Variants in EIF2B3 observed in about 807,000 individuals in gnomAD.
The protein encoded by EIF2B3 is eukaryotic translation initiation factor 2B subunit gamma.
A neutral mutation model predicts 54.1 loss-of-function variants in EIF2B3; 20 were observed. The observed-to-expected ratio is 0.37, with a 90% CI of 0.26 to 0.54. EIF2B3 has a LOEUF of 0.54. EIF2B3 is among the 20% of genes least tolerant of loss of function. The pLI, the probability that EIF2B3 is intolerant of heterozygous loss-of-function variation, is 0.86. For missense variants in EIF2B3, 448 were observed against 547.8 expected, an observed-to-expected ratio of 0.82 and a Z score of 1.82; for synonymous variants, 153 against 188.1, an observed-to-expected ratio of 0.81 and a Z score of 1.52.
chr1:44,975,852 C>T (rs1188414897), intron 3 of EIF2B3, among the ~76,000 whole-genome samples: 5 of 151,946 alleles, frequency 3.3e-5, no homozygotes, highest in Non-Finnish European at 5.9e-5. Flanking sequence ...ACCTGTAATC[C>T]CAGCTACTCA....
At chr1:44,950,437 CA>C (rs1465185468) in intron 3 of EIF2B3, among the ~76,000 whole-genome samples, 4 of 151,144 alleles carry the variant, frequency 2.6e-5, no homozygotes, top group Non-Finnish European at 4.4e-5. Context: ...AACAAACAAA[CA>C]AAACAGAAAA....
chr1:44,939,127 GAAAC>G (rs1310418750), intron 4 of EIF2B3, among the ~76,000 whole-genome samples: 2 of 113,556 alleles, frequency 1.8e-5, no homozygotes, highest in African/African-American at 6.5e-5. Context: ...AAAAAAAAAA[GAAAC>G]AAAAGGAAAG....
At chr1:44,935,898 C>T (rs1401992744) in intron 4 of EIF2B3, among the ~76,000 whole-genome samples, 1 of 151,530 alleles carries the variant, frequency 6.6e-6, no homozygotes, top group African/African-American at 2.4e-5. Context: ...ACAATGAACA[C>T]TTTTTTGTGT....
chr1:44,923,801 C>CTTTT (rs1425903874), intron 5 of EIF2B3, among the ~76,000 whole-genome samples: 1 of 149,028 alleles, frequency 6.7e-6, no homozygotes, highest in Non-Finnish European at 1.5e-5. Context: ...CTCTTTCTCT[C>CTTTT]TTTCTTTCTT....
intron 10 of EIF2B3, among the ~76,000 whole-genome samples, chr1:44,870,168 T>C (rs959417468): frequency 2.4e-4 from 29 of 121,150 alleles, no homozygotes; most frequent in African/African-American, 7.3e-4. Context: ...AGAGACCCCG[T>C]CTCAAAAAAG....
chr1:44,866,513 G>A (rs1654787796), intron 10 of EIF2B3, among the ~76,000 whole-genome samples: 1 of 151,970 alleles, frequency 6.6e-6, no homozygotes, highest in Non-Finnish European at 1.5e-5. Context: ...TGTTATGGGT[G>A]CATAGGGAGC....
chr1:44,979,662 AAAAC>A (rs1384095323), intron 2 of EIF2B3, among the ~76,000 whole-genome samples: 1 of 151,748 alleles, frequency 6.6e-6, no homozygotes, highest in Non-Finnish European at 1.5e-5. Flanking sequence ...CTGTCTCTAA[AAAAC>A]AAAAAAACCA....
intron 1 of EIF2B3, among the ~76,000 whole-genome samples, chr1:44,985,623 C>T (rs1644566183): frequency 6.6e-6 from 1 of 152,134 alleles, no homozygotes; most frequent in South Asian, 2.1e-4. Flanking sequence ...GGCATTAGAA[C>T]CCAGGTCACT....
intron 3 of EIF2B3, among the ~76,000 whole-genome samples, chr1:44,944,036 C>T (rs528303097): frequency 9.9e-5 from 15 of 151,996 alleles, no homozygotes; most frequent in Admixed American, 9.2e-4. Flanking sequence ...CCCAGCTACT[C>T]GGGAGGCTGA....
At chr1:44,916,391 T>A (rs577578522) in intron 5 of EIF2B3, among the ~76,000 whole-genome samples, 172 of 151,782 alleles carry the variant, frequency 1.1e-3, no homozygotes, top group Admixed American at 1.4e-3. Context: ...TTGGTTATTT[T>A]TTTTTATTTT....
chr1:44,891,105 T>A (rs938629314), intron 6 of EIF2B3, among the ~76,000 whole-genome samples: 1 of 152,150 alleles, frequency 6.6e-6, no homozygotes, highest in Admixed American at 6.5e-5. Context: ...TTTAAATTTT[T>A]AAATTTTTTT....
intron 5 of EIF2B3, among the ~76,000 whole-genome samples, chr1:44,902,445 G>C (rs956664031): frequency 6.6e-6 from 1 of 151,994 alleles, no homozygotes; most frequent in African/African-American, 2.4e-5. Context: ...AGTGAGCTAT[G>C]ATTGCACTAC....
At chr1:44,932,116 A>AACACACACAC (rs59619203) in intron 4 of EIF2B3, among the ~76,000 whole-genome samples, 6 of 148,426 alleles carry the variant, frequency 4.0e-5, no homozygotes, top group Admixed American at 1.4e-4. Context: ...TCTCAAAACG[A>AACACACACAC]ACACACACAC....
rs370455124 is a variant in EIF2B3, at chr1:44,937,641, T to A, written c.454+3865A>T. 4.3e-3 allele frequency among the ~76,000 whole-genome samples: 653 copies of A among 151,370 alleles called. 3 individuals are homozygous for A. Among genetic ancestry groups the A allele is most frequent in the East Asian group, 7.9e-3 (40 of 5,090 alleles). ...GCTCACGCCTGTAATCCCAGCACTT[T>A]GGGAGGCCGAGGCGGGCGGATCACG... is the stretch of plus-strand genomic sequence containing the variant. On this transcript the variant is annotated intron_variant, in intron 4 of 11. Transcript: ENST00000360403.
At chr1:44,937,883 CAAAAAAAAAAAAAAAAAAA>C (rs34363661) in intron 4 of EIF2B3, among the ~76,000 whole-genome samples, 16 of 33,534 alleles carry the variant, frequency 4.8e-4, no homozygotes, top group South Asian at 2.0e-3. Flanking sequence ...GACTCCGTCT[CAAAAAAAAAAAAAAAAAAA>C]AAAAAAAAAA....
chr1:44,879,832 C>T lies in EIF2B3; in HGVS notation c.961G>A (p.Glu321Lys), dbSNP rs576234757. 1.1e-5 allele frequency: 17 copies of T among 1,613,934 alleles called. 1 individual carries two copies. The South Asian group carries it at 1.6e-4, about 16-fold the overall frequency. Residue 321 changes from glutamate to lysine, a missense_variant, in exon 8 of 12, where the codon GAA becomes AAA. Glu to Lys is a moderately conservative substitution (Grantham distance 56, BLOSUM62 1). Coordinates refer to ENST00000360403, the MANE Select transcript of EIF2B3 (RefSeq NM_020365.5). ...SRVSTLGLYM[E>K]ANRQVPKLLS... ...CATGCTCTCACCTGTCTGTTTGCTT[C>T]CATGTAGAGTCCCAGTGTGCTCACT...
intron 3 of EIF2B3, among the ~76,000 whole-genome samples, chr1:44,973,291 C>A (rs1483980100): frequency 6.6e-6 from 1 of 152,208 alleles, no homozygotes; most frequent in Non-Finnish European, 1.5e-5. Flanking sequence ...AATGTGGAGG[C>A]AACCCAAGTG....
At chr1:44,899,258 C>A (rs1385177643) in intron 5 of EIF2B3, among the ~76,000 whole-genome samples, 1 of 152,168 alleles carries the variant, frequency 6.6e-6, no homozygotes. Context: ...ATAAAACTAT[C>A]ACCACAATCC....
At chr1:44,953,011 T>A (rs990644817) in intron 3 of EIF2B3, among the ~76,000 whole-genome samples, 32 of 152,178 alleles carry the variant, frequency 2.1e-4, no homozygotes, top group Non-Finnish European at 4.1e-4. Context: ...GTAGCAAAAA[T>A]ATAGTTGTTG....
Sources: gnomAD v4.1 joint callset for allele counts (sites outside exome capture counted in the v4.1 genomes callset) on GRCh38, gnomAD v4.1.1 for gene constraint, MANE v1.5 for transcripts, NCBI Gene and HGNC (gene_info 2026-07-23, HGNC 2026-07-21) for gene names.